Variants in PDGFA observed in about 807,000 individuals in gnomAD.
PDGFA encodes platelet-derived growth factor subunit A.
PDGFA carries 9 observed loss-of-function variants against 25.6 expected under a neutral mutation model. The ratio of observed to expected loss-of-function variants is 0.35; its 90% CI spans 0.21 to 0.61. The LOEUF is 0.61. Among genes scored for constraint, PDGFA ranks in the 20% least tolerant of loss-of-function variants. The pLI, the probability that PDGFA is intolerant of heterozygous loss-of-function variation, is 0.75. For synonymous variants in PDGFA, 133 were observed against 111.8 expected (o/e 1.19, Z -1.20); for missense variants, 242 against 272.8 (o/e 0.89, Z 0.79).
At chr7:503,954 G>C (rs896232958) in intron 4 of PDGFA, among the ~76,000 whole-genome samples, 1 of 152,178 alleles carries the variant, frequency 6.6e-6, no homozygotes, top group African/African-American at 2.4e-5. Flanking sequence ...CCTCAGATCA[G>C]CCTCCACACT....
intron 2 of PDGFA, among the ~76,000 whole-genome samples, chr7:513,634 C>T (rs1007687645): frequency 2.6e-5 from 4 of 152,158 alleles, no homozygotes; most frequent in African/African-American, 4.8e-5. Flanking sequence ...TGGGAAGTCC[C>T]GGTCACCAAT....
At chr7:506,442 C>T (rs999630446) in intron 4 of PDGFA, among the ~76,000 whole-genome samples, 1 of 152,074 alleles carries the variant, frequency 6.6e-6, no homozygotes, top group Non-Finnish European at 1.5e-5. Context: ...GCACCAGACC[C>T]CAGAGAGTGG....
At chr7:512,628 C>T in intron 2 of PDGFA, 173 bp from the exon 3 acceptor site, 3 of 1,530,744 alleles carry the variant, frequency 2.0e-6, no homozygotes, top group Non-Finnish European at 2.6e-6. Flanking sequence ...ACCTCGATTC[C>T]CACCAGGGCT....
At chr7:506,460 C>A (rs1016911744) in intron 4 of PDGFA, among the ~76,000 whole-genome samples, 1 of 151,922 alleles carries the variant, frequency 6.6e-6, no homozygotes, top group Non-Finnish European at 1.5e-5. Context: ...TGGACAGAGT[C>A]GTGGCTGGGA....
chr7:520,284 G>A (rs1783314602), upstream of PDGFA: 1 of 190,604 alleles, frequency 5.2e-6, no homozygotes, highest in Admixed American at 6.5e-5. Flanking sequence ...CCCCCGCCCC[G>A]GCGCTCCGGC....
At chr7:502,932 A>C (rs542089683) in intron 4 of PDGFA, among the ~76,000 whole-genome samples, 1 of 152,078 alleles carries the variant, frequency 6.6e-6, no homozygotes, top group African/African-American at 2.4e-5. Context: ...TGCATGTGTA[A>C]TGTACACAGG....
chr7:518,877 G>C (rs1039944865), intron 1 of PDGFA, 62 bp downstream of exon 1: 51 of 1,174,872 alleles, frequency 4.3e-5, no homozygotes, highest in Non-Finnish European at 6.0e-5. Flanking sequence ...TGGCGCCCCA[G>C]CCGGCGGGGG....
At chr7:510,859 T>C in exon 4 of PDGFA, 1 of 1,609,480 alleles carries the variant, frequency 6.2e-7, no homozygotes, top group Non-Finnish European at 8.5e-7. Flanking sequence ...ACACTGCTCG[T>C]GTTGCAGCAG....
At chr7:497,963 A>AAAAAAAAAAAAAAAAAAAAAAAC (rs1782155104) in exon 6 of PDGFA, 1 of 132,792 alleles carries the variant, frequency 7.5e-6, no homozygotes, top group Non-Finnish European at 1.6e-5. Context: ...AAAAAACAAA[A>AAAAAAAAAAAAAAAAAAAAAAAC]AAAAAAAAAA....
At position 497,869 on chromosome 7, in the gene PDGFA, T is replaced by TTAAAA. The variant is rs774935891; in HGVS notation, c.*694_*695insTTTTA. The TTAAAA allele has an allele frequency of 1.6e-4, 4 of 24,972 alleles. No individual in the cohort carries two copies. In the Admixed American group the frequency reaches 1.9e-3, roughly 12 times the overall value. The allele number at this position is 24,972 out of a possible 1,614,324, so 1.5% of individuals were successfully genotyped here. A position where few individuals can be genotyped will look rare whatever the true frequency, so the allele number is the denominator to read the frequency against. ...GTGTAAATGTCATCCAAGAGATAAT[T>TTAAAA]AAAAAAAAAAAAAAAAAAAAAAAGC... is the stretch of plus-strand genomic sequence containing the variant. On this transcript the variant is annotated 3_prime_UTR_variant, in exon 6 of 6. Coordinates refer to ENST00000402802, the Ensembl canonical transcript of PDGFA.
chr7:518,921 C>G lies in PDGFA; in HGVS notation c.63+18G>C, dbSNP rs1783234489. 1.3e-6 allele frequency: 2 copies of G among 1,502,060 alleles called. No individual in the cohort carries two copies. Among genetic ancestry groups the G allele is most frequent in the Non-Finnish European group, 1.8e-6 (2 of 1,125,498 alleles). 93.0% of individuals were successfully genotyped at this position (1,502,060 alleles called of 1,614,324 possible). On this transcript the variant is annotated intron_variant, in intron 1 of 5. Transcript: ENST00000402802. ...CGGAGGAGCCGGCGCAGGGACGGGG[C>G]GCGGGGGCGGCACCAACCTCGGCCA... is the stretch of plus-strand genomic sequence containing the variant.
intron 2 of PDGFA, among the ~76,000 whole-genome samples, chr7:513,776 G>A (rs542953227): frequency 1.3e-5 from 2 of 152,108 alleles, no homozygotes; most frequent in East Asian, 1.9e-4. Context: ...CCGCACCCCC[G>A]AGGAGCCTGC....
intron 5 of PDGFA, among the ~76,000 whole-genome samples, chr7:499,602 G>T (rs1427479541): frequency 6.6e-6 from 1 of 151,776 alleles, no homozygotes; most frequent in Non-Finnish European, 1.5e-5. Context: ...GAAGCGACAT[G>T]TCTTGCTAGG....
chr7:514,560 T>C (rs1054778327), intron 2 of PDGFA, among the ~76,000 whole-genome samples: 3 of 152,064 alleles, frequency 2.0e-5, no homozygotes, highest in Non-Finnish European at 4.4e-5. Flanking sequence ...CTAAAACTGC[T>C]CCCAGGACAG....
At chr7:505,495 G>GT (rs1782521119) in intron 4 of PDGFA, among the ~76,000 whole-genome samples, 1 of 152,190 alleles carries the variant, frequency 6.6e-6, no homozygotes. Flanking sequence ...CCCCTGAGGA[G>GT]GGCTTGGGAC....
At chr7:506,279 A>G (rs1237306005) in intron 4 of PDGFA, among the ~76,000 whole-genome samples, 4 of 151,830 alleles carry the variant, frequency 2.6e-5, no homozygotes, top group Admixed American at 2.6e-4. Context: ...CCCTGTCTTT[A>G]TAACAAAGAA....
intron 3 of PDGFA, 41 bp from the exon 4 acceptor site, chr7:511,037 C>A: frequency 2.0e-6 from 3 of 1,530,340 alleles, no homozygotes; most frequent in Middle Eastern, 1.7e-4. Context: ...CCGGCCTCTG[C>A]GACCACGGCC....
At chr7:502,811 T>A (rs9692045) in intron 4 of PDGFA, among the ~76,000 whole-genome samples, 18 of 105,130 alleles carry the variant, frequency 1.7e-4, no homozygotes, top group Non-Finnish European at 3.5e-4. Context: ...CACACACACA[T>A]AATGCACATA....
chr7:510,796 G>A lies in PDGFA; in HGVS notation c.453+13C>T, dbSNP rs1433600956. The stretch of plus-strand genomic sequence containing the variant: ...GGGGAGGGGAGGGGAGGGGAGGGGA[G>A]GGGAGGGCTCACCTTGACGCTGCGG... On this transcript the variant is annotated intron_variant, in intron 4 of 5. Coordinates refer to ENST00000402802, the Ensembl canonical transcript of PDGFA. The A allele has an allele frequency of 7.0e-6, 10 of 1,420,016 alleles. No individual in the cohort carries two copies. The highest frequency in any genetic ancestry group is 8.6e-6 in the Non-Finnish European group (9 of 1,052,174). 88.0% of individuals were successfully genotyped at this position (1,420,016 alleles called of 1,614,324 possible). A position where few individuals can be genotyped will look rare whatever the true frequency, so the allele number is the denominator to read the frequency against.
Sources: gnomAD v4.1 joint callset for allele counts (sites outside exome capture counted in the v4.1 genomes callset) on GRCh38, gnomAD v4.1.1 for gene constraint, MANE v1.5 for transcripts, NCBI Gene and HGNC (gene_info 2026-07-23, HGNC 2026-07-21) for gene names.